CNTNAP2: variants seen among roughly 807,000 people sequenced by gnomAD.
CNTNAP2 encodes contactin associated protein 2, also known as contactin-associated protein-like 2.
In CNTNAP2, 98 loss-of-function variants were observed where a neutral mutation model predicts 155.2. The observed-to-expected ratio is 0.63, with a 90% CI of 0.54 to 0.75. CNTNAP2 has a LOEUF of 0.75. Ranked by LOEUF, CNTNAP2 falls within the 30% of genes least tolerant of loss-of-function variation. CNTNAP2 has a pLI of 0.00. For synonymous variants in CNTNAP2, 651 were observed against 631.2 expected (o/e 1.03, Z -0.47); for missense variants, 1,727 against 1,688.1 (o/e 1.02, Z -0.40).
At chr7:146,709,822 G>A (rs1047575803) in intron 1 of CNTNAP2, among the ~76,000 whole-genome samples, 1 of 152,108 alleles carries the variant, frequency 6.6e-6, no homozygotes, top group Non-Finnish European at 1.5e-5. Context: ...CACAAAGGGC[G>A]GCCGGAGGGA....
intron 3 of CNTNAP2, among the ~76,000 whole-genome samples, chr7:146,943,351 G>C (rs1216489731): frequency 6.6e-6 from 1 of 152,092 alleles, no homozygotes; most frequent in Non-Finnish European, 1.5e-5. Flanking sequence ...AATTAGCCGG[G>C]TGTGGTGGCA....
chr7:146,931,949 C>T (rs1339171088), intron 3 of CNTNAP2, among the ~76,000 whole-genome samples: 1 of 151,886 alleles, frequency 6.6e-6, no homozygotes, highest in South Asian at 2.1e-4. Context: ...TAATCAATAG[C>T]TTACCAACCA....
At chr7:147,735,592 T>A (rs13236041) in intron 13 of CNTNAP2, among the ~76,000 whole-genome samples, 92,400 of 137,376 alleles carry the variant, frequency 0.67, 29,911 homozygotes, top group East Asian at 0.91. Context: ...ACTTTCTGTC[T>A]TGTTGATCTG....
chr7:148,340,709 A>G (rs1304138761), intron 21 of CNTNAP2, among the ~76,000 whole-genome samples: 1 of 152,230 alleles, frequency 6.6e-6, no homozygotes, highest in Non-Finnish European at 1.5e-5. Flanking sequence ...AACAATTGAA[A>G]GGAAGCTCTT....
At chr7:147,167,486 G>T in intron 8 of CNTNAP2, 1 of 953,588 alleles carries the variant, frequency 1.0e-6, no homozygotes, top group Non-Finnish European at 1.6e-6. Flanking sequence ...CCCCACTGGA[G>T]GTTGCCATGG....
intron 1 of CNTNAP2, among the ~76,000 whole-genome samples, chr7:146,720,939 T>G (rs1801278500): frequency 9.5e-5 from 13 of 137,318 alleles, no homozygotes; most frequent in African/African-American, 3.7e-4. Flanking sequence ...TATATATACT[T>G]TCTCTATATA....
At chr7:147,506,956 C>T (rs1011089915) in intron 11 of CNTNAP2, among the ~76,000 whole-genome samples, 1 of 152,102 alleles carries the variant, frequency 6.6e-6, no homozygotes, top group Non-Finnish European at 1.5e-5. Context: ...ATCCTCACTC[C>T]CCTCTCCTGT....
chr7:147,036,070 C>G (rs1799146746), intron 3 of CNTNAP2, among the ~76,000 whole-genome samples: 1 of 152,182 alleles, frequency 6.6e-6, no homozygotes, highest in Non-Finnish European at 1.5e-5. Context: ...TTCAAAGACT[C>G]TTAGTCCATG....
intron 10 of CNTNAP2, among the ~76,000 whole-genome samples, chr7:147,442,804 C>T (rs971266363): frequency 6.6e-6 from 1 of 152,082 alleles, no homozygotes; most frequent in African/African-American, 2.4e-5. Flanking sequence ...TGTTATCTTG[C>T]AGGTAGGGCC....
chr7:147,128,608 T>A, intron 6 of CNTNAP2, 85 bp from the exon 7 acceptor site: 1 of 1,481,328 alleles, frequency 6.8e-7, no homozygotes, highest in East Asian at 2.3e-5. Flanking sequence ...GAGGTATAGA[T>A]ACTTGACCTT....
At chr7:147,559,338 C>A (rs1800015309) in intron 11 of CNTNAP2, among the ~76,000 whole-genome samples, 1 of 152,146 alleles carries the variant, frequency 6.6e-6, no homozygotes, top group South Asian at 2.1e-4. Flanking sequence ...CAGCTGAAGC[C>A]AAGAAAGACC....
chr7:148,133,763 G>C (rs964982347), intron 16 of CNTNAP2: 10 of 152,214 alleles, frequency 6.6e-5, no homozygotes, highest in Non-Finnish European at 1.3e-4. Flanking sequence ...CTTTGCGGGA[G>C]TGATGATGAA....
chr7:146,928,391 C>G (rs1299732571), intron 3 of CNTNAP2, among the ~76,000 whole-genome samples: 1 of 152,034 alleles, frequency 6.6e-6, no homozygotes, highest in Non-Finnish European at 1.5e-5. Flanking sequence ...GTTGGTCGTT[C>G]TGGGTGATGT....
intron 1 of CNTNAP2, among the ~76,000 whole-genome samples, chr7:146,322,083 A>G (rs1801013635): frequency 6.6e-6 from 1 of 152,176 alleles, no homozygotes; most frequent in South Asian, 2.1e-4. Flanking sequence ...AGGGAAAACC[A>G]TGCTGTAAGG....
intron 1 of CNTNAP2, among the ~76,000 whole-genome samples, chr7:146,737,112 T>C (rs1256957344): frequency 6.6e-6 from 1 of 152,120 alleles, no homozygotes; most frequent in African/African-American, 2.4e-5. Context: ...AAGAATGTTA[T>C]TTTTTTCAGT....
Position 147,220,886 on chromosome 7 carries a change from G to C in CNTNAP2, c.1349-79255G>C, listed in dbSNP as rs148796872. ...TCATCACCATGTCTGACTAATTTTT[G>C]TGTTTTTTAGTTGAGATGGGGTTTT... is the stretch of plus-strand genomic sequence containing the variant. On this transcript the variant is annotated intron_variant, in intron 8 of 23. Coordinates refer to ENST00000361727, the MANE Select transcript of CNTNAP2 (RefSeq NM_014141.6). Among the ~76,000 whole-genome samples, 566 of 151,874 alleles carry C rather than the reference G, an allele frequency of 3.7e-3. 4 individuals carry two copies. Among genetic ancestry groups the C allele is most frequent in the Non-Finnish European group, 5.7e-3 (385 of 67,916 alleles).
At chr7:146,308,511 A>G (rs1190967965) in intron 1 of CNTNAP2, among the ~76,000 whole-genome samples, 7 of 152,064 alleles carry the variant, frequency 4.6e-5, no homozygotes, top group African/African-American at 1.7e-4. Flanking sequence ...TCATGCTGCT[A>G]TGAAGACACA....
intron 9 of CNTNAP2, among the ~76,000 whole-genome samples, chr7:147,368,601 C>CT (rs1796287496): frequency 6.6e-6 from 1 of 152,268 alleles, no homozygotes; most frequent in South Asian, 2.1e-4. Context: ...AAGGGTCAGT[C>CT]TGAGAGCAGG....
intron 3 of CNTNAP2, among the ~76,000 whole-genome samples, chr7:146,971,700 G>T (rs1008423232): frequency 2.6e-5 from 4 of 152,002 alleles, no homozygotes; most frequent in Non-Finnish European, 4.4e-5. Flanking sequence ...GTGGAGAGGG[G>T]TCACTCTCTG....
Sources: allele counts gnomAD v4.1 joint callset (sites outside exome capture counted in the v4.1 genomes callset), GRCh38; gene constraint gnomAD v4.1.1; transcripts MANE v1.5; gene names NCBI Gene and HGNC (gene_info 2026-07-23, HGNC 2026-07-21).